BBS2: variants seen among roughly 807,000 people sequenced by gnomAD.
BBS2 encodes Bardet-Biedl syndrome 2, also known as BBSome complex member BBS2.
A neutral mutation model predicts 83.0 loss-of-function variants in BBS2; 62 were observed. That is an observed-to-expected ratio of 0.75 (90% CI 0.61 to 0.92). The LOEUF is 0.92. Among genes scored for constraint, BBS2 ranks in the 40% least tolerant of loss-of-function variants. BBS2 has a pLI of 0.00. For synonymous variants in BBS2, 303 were observed against 326.1 expected (o/e 0.93, Z 0.76); for missense variants, 784 against 901.0 (o/e 0.87, Z 1.66).
At chr16:56,497,682 A>G in intron 14 of BBS2, 61 bp downstream of exon 14, 2 of 1,596,100 alleles carry the variant, frequency 1.3e-6, no homozygotes, top group Non-Finnish European at 8.6e-7. Flanking sequence ...AGTACCATTA[A>G]TCTCCTCAAA....
intron 8 of BBS2, 71 bp downstream of exon 8, chr16:56,502,602 A>G: frequency 2.5e-6 from 4 of 1,611,402 alleles, no homozygotes; most frequent in Non-Finnish European, 3.4e-6. Flanking sequence ...CTTCAGGTGA[A>G]ATTTCCTGAT....
intron 15 of BBS2, among the ~76,000 whole-genome samples, chr16:56,490,165 A>G (rs1464680685): frequency 6.6e-6 from 1 of 151,886 alleles, no homozygotes; most frequent in African/African-American, 2.4e-5. Context: ...TAATAATAAT[A>G]TAATAATAAT....
At chr16:56,474,780 C>CT (rs745331107) in intron 17 of BBS2, 9 of 1,519,780 alleles carry the variant, frequency 5.9e-6, no homozygotes, top group African/African-American at 1.4e-5. Context: ...TCCAACAGTT[C>CT]TATCAAGGTT....
At chr16:56,481,590 G>A (rs1219646016), downstream of BBS2, among the ~76,000 whole-genome samples, 5 of 152,174 alleles carry the variant, frequency 3.3e-5, no homozygotes, top group African/African-American at 1.2e-4. Flanking sequence ...ACAGCTCAGT[G>A]CTCACTTAAA....
intron 17 of BBS2, among the ~76,000 whole-genome samples, chr16:56,473,901 G>A (rs969247657): frequency 6.6e-6 from 1 of 151,888 alleles, no homozygotes; most frequent in Admixed American, 6.6e-5. Context: ...CTGCCTCCCA[G>A]GTTCAAGCGA....
At chr16:56,513,721 G>T (rs1312872046) in intron 2 of BBS2, among the ~76,000 whole-genome samples, 1 of 152,122 alleles carries the variant, frequency 6.6e-6, no homozygotes, top group Admixed American at 6.5e-5. Context: ...GATACTAATG[G>T]GTATGGGTTT....
At chr16:56,504,089 A>G (rs1164521656) in intron 7 of BBS2, among the ~76,000 whole-genome samples, 1 of 152,224 alleles carries the variant, frequency 6.6e-6, no homozygotes, top group East Asian at 1.9e-4. Flanking sequence ...CAAAACATAA[A>G]GTAATTTAGG....
At chr16:56,506,684 T>C (rs900970347) in intron 5 of BBS2, among the ~76,000 whole-genome samples, 6 of 152,234 alleles carry the variant, frequency 3.9e-5, no homozygotes, top group East Asian at 1.9e-4. Flanking sequence ...ACTTCATGTA[T>C]ACACTTTTCT....
intron 17 of BBS2, chr16:56,474,833 AGTGTTCC>A: frequency 1.2e-6 from 2 of 1,605,014 alleles, no homozygotes; most frequent in Non-Finnish European, 1.7e-6. Flanking sequence ...CTTAGAATCA[AGTGTTCC>A]CATGTGCCAA....
downstream of BBS2, among the ~76,000 whole-genome samples, chr16:56,482,986 G>A (rs538660956): frequency 6.6e-6 from 1 of 152,256 alleles, no homozygotes; most frequent in African/African-American, 2.4e-5. Context: ...ATATGGTCAT[G>A]CTCTGCTAAC....
rs540770584 is a variant in BBS2, at chr16:56,502,015, A to G, written c.1080+302T>C. 8 of 442,862 alleles carry G rather than the reference A, an allele frequency of 1.8e-5. No homozygotes were observed. The East Asian group carries it at 4.0e-4, about 22-fold the overall frequency. The allele number at this position is 442,862 out of a possible 1,614,324, so 27.4% of individuals were successfully genotyped here. On this transcript the variant is annotated intron_variant, in intron 9 of 16. Transcript: ENST00000245157. ...AAGTATTCATTCTTTGAGCTGCTTA[A>G]TATTCCTTAGCACATACTCCCTACT...
intron 15 of BBS2, 86 bp from the exon 16 acceptor site, chr16:56,485,824 G>A (rs1963761963): frequency 8.2e-7 from 1 of 1,216,642 alleles, no homozygotes; most frequent in African/African-American, 1.5e-5. Context: ...GACATACAAA[G>A]AAAAGACACC....
intron 17 of BBS2, among the ~76,000 whole-genome samples, chr16:56,473,802 G>T (rs1963315876): frequency 6.6e-6 from 1 of 151,306 alleles, no homozygotes; most frequent in Non-Finnish European, 1.5e-5. Context: ...ACATATAGGA[G>T]TATTAACCTT....
At chr16:56,471,430 T>C (rs948424062) in intron 17 of BBS2, among the ~76,000 whole-genome samples, 1 of 151,854 alleles carries the variant, frequency 6.6e-6, no homozygotes, top group East Asian at 1.9e-4. Context: ...GAAAAGTCTC[T>C]CTGAGGAGCG....
chr16:56,513,629 T>G (rs1221061460), intron 2 of BBS2, among the ~76,000 whole-genome samples: 1 of 152,218 alleles, frequency 6.6e-6, no homozygotes, highest in African/African-American at 2.4e-5. Flanking sequence ...GTTTATGAAA[T>G]GTCTAGAATA....
At chr16:56,499,691 C>T in intron 12 of BBS2, 87 bp downstream of exon 12, 2 of 1,562,060 alleles carry the variant, frequency 1.3e-6, no homozygotes, top group Non-Finnish European at 1.8e-6. Context: ...CAATATAACA[C>T]ATTAATGTAA....
intron 15 of BBS2, among the ~76,000 whole-genome samples, chr16:56,488,413 G>T (rs1465491660): frequency 6.6e-6 from 1 of 152,166 alleles, no homozygotes; most frequent in Non-Finnish European, 1.5e-5. Flanking sequence ...CCCCTCTGTG[G>T]GTTTGATTAA....
chr16:56,483,186 A>G (rs1162628311), downstream of BBS2, among the ~76,000 whole-genome samples: 1 of 152,236 alleles, frequency 6.6e-6, no homozygotes, highest in Non-Finnish European at 1.5e-5. Flanking sequence ...GGAAACTGTA[A>G]CATAATGCTA....
At chr16:56,496,033 C>T (rs1427889145) in intron 15 of BBS2, among the ~76,000 whole-genome samples, 1 of 151,984 alleles carries the variant, frequency 6.6e-6, no homozygotes, top group Non-Finnish European at 1.5e-5. Flanking sequence ...TTCAACAATA[C>T]AATTATTTTA....
Sources: gnomAD v4.1 joint callset for allele counts (sites outside exome capture counted in the v4.1 genomes callset) on GRCh38, gnomAD v4.1.1 for gene constraint, MANE v1.5 for transcripts, NCBI Gene and HGNC (gene_info 2026-07-23, HGNC 2026-07-21) for gene names.